PIK3R6: variants seen among roughly 807,000 people sequenced by gnomAD.
PIK3R6 encodes the protein phosphoinositide-3-kinase regulatory subunit 6.
A neutral mutation model predicts 84.9 loss-of-function variants in PIK3R6; 91 were observed. That is an observed-to-expected ratio of 1.07 (90% CI 0.90 to 1.28). The LOEUF (loss-of-function observed/expected upper bound fraction) is 1.28. Ranked by LOEUF, PIK3R6 falls within the 50% of genes most tolerant of loss-of-function variation. PIK3R6 has a pLI of 0.00. For synonymous variants in PIK3R6, 416 were observed against 411.4 expected (o/e 1.01, Z -0.13); for missense variants, 996 against 985.1 (o/e 1.01, Z -0.15).
At chr17:8,833,600 G>A (rs1030234764) in intron 8 of PIK3R6, among the ~76,000 whole-genome samples, 1 of 149,530 alleles carries the variant, frequency 6.7e-6, no homozygotes, top group African/African-American at 2.5e-5. Context: ...GGAGTGCAGT[G>A]GTGTGACTTT....
chr17:8,864,569 C>T (rs941284136), intron 1 of PIK3R6, among the ~76,000 whole-genome samples: 2 of 117,982 alleles, frequency 1.7e-5, no homozygotes, highest in Non-Finnish European at 1.7e-5. Flanking sequence ...GACAGAGTCT[C>T]ACTCTGTCGC....
At chr17:8,814,288 C>T (rs372191584) in intron 18 of PIK3R6, among the ~76,000 whole-genome samples, 2 of 139,626 alleles carry the variant, frequency 1.4e-5, no homozygotes, top group South Asian at 2.3e-4. Context: ...GGCGTGATCT[C>T]GGCTCACTGC....
rs573310802 is a variant in PIK3R6, at chr17:8,829,338, GCA to G, written c.890-350_890-349del. On this transcript the variant is annotated intron_variant, in intron 10 of 19. Coordinates refer to ENST00000619866, the MANE Select transcript of PIK3R6 (RefSeq NM_001010855.4). Reference sequence around the variant, plus strand: ...CGCATGCACGCATACACCCATGCAAGCACACACAGACACACTGACACACACAC... The same window carrying G: ...CGCATGCACGCATACACCCATGCAAGCACACAGACACACTGACACACACAC... Among the ~76,000 whole-genome samples, 398 of 134,500 alleles carry G rather than the reference GCA, an allele frequency of 3.0e-3. 3 individuals carry two copies. Among genetic ancestry groups the G allele is most frequent in the African/African-American group, 0.011 (362 of 34,382 alleles). The allele number at this position is 134,500 out of a possible 152,430, so 88.2% of individuals were successfully genotyped here.
At chr17:8,856,969 C>T (rs2089156719) in intron 1 of PIK3R6, among the ~76,000 whole-genome samples, 1 of 65,238 alleles carries the variant, frequency 1.5e-5, no homozygotes, top group African/African-American at 1.1e-4. Context: ...AACCTTTGCA[C>T]ACCCCTGCCT....
chr17:8,849,254 A>G (rs1349948202), intron 2 of PIK3R6, among the ~76,000 whole-genome samples: 1 of 152,256 alleles, frequency 6.6e-6, no homozygotes, highest in African/African-American at 2.4e-5. Context: ...ATTTTTGCGA[A>G]GCAATCCATA....
At chr17:8,829,603 C>T (rs1367336389) in intron 10 of PIK3R6, 103 bp downstream of exon 10, 2 of 1,201,650 alleles carry the variant, frequency 1.7e-6, no homozygotes, top group Non-Finnish European at 2.4e-6. Flanking sequence ...CTCATGCATA[C>T]ACACACTGAC....
chr17:8,858,087 G>C (rs561972033), intron 1 of PIK3R6, among the ~76,000 whole-genome samples: 5 of 152,268 alleles, frequency 3.3e-5, no homozygotes, highest in East Asian at 1.9e-4. Flanking sequence ...GACCTTTGTG[G>C]TCGATTTCCT....
At position 8,842,486 on chromosome 17, in the gene PIK3R6, T is replaced by C. The variant is rs1459052307; in HGVS notation, c.14-2789A>G. Among the ~76,000 whole-genome samples the C allele has an allele frequency of 6.6e-6, 1 of 152,070 alleles. No homozygotes were observed. Reference sequence around the variant, plus strand: ...AGGGTCTGACAGCTGCTCTCCCAGGTCCCTCTCCATTTCTGTCACACAAGT... The same window carrying C: ...AGGGTCTGACAGCTGCTCTCCCAGGCCCCTCTCCATTTCTGTCACACAAGT... On this transcript the variant is annotated intron_variant, in intron 2 of 19. Transcript: ENST00000619866. This position sits in a 1 kb window ranked among gnomAD's most constrained non-coding sequence, Gnocchi z 4.5.
rs545480809 is a variant in PIK3R6 at position 8,828,684 on chromosome 17, C to T, written c.1196G>A (p.Arg399Gln). 1.5e-5 allele frequency: 24 copies of T among 1,611,874 alleles called. No individual in the cohort carries two copies. In the Admixed American group the frequency reaches 1.5e-4, roughly 10 times the overall value. ...CAGCATTTCCCCATCCCCACTGGGC[C>T]GGCCTGTCCTCCGGTGCAGCCCTGG... ...GPPGLHRRTG[R>Q]PSGDGEMLPG... is the part of the protein sequence containing the mutation. The change falls in exon 11 of 20, where the codon CGG (arginine) becomes CAG (glutamine). Residue 399 changes from arginine to glutamine, a missense_variant. Coordinates refer to ENST00000619866, the MANE Select transcript of PIK3R6 (RefSeq NM_001010855.4).
chr17:8,835,492 T>G (rs1439303650), intron 7 of PIK3R6, 36 bp from the exon 8 acceptor site: 1 of 1,500,018 alleles, frequency 6.7e-7, no homozygotes, highest in East Asian at 2.3e-5. Flanking sequence ...GTGGGATTGA[T>G]AGTAACTAAT....
At chr17:8,857,020 C>T (rs1368332282) in intron 1 of PIK3R6, among the ~76,000 whole-genome samples, 1 of 84,256 alleles carries the variant, frequency 1.2e-5, no homozygotes, top group Non-Finnish European at 2.4e-5. Flanking sequence ...CTGGCTCCCC[C>T]TCGACATTCA....
intron 13 of PIK3R6, 72 bp from the exon 14 acceptor site, chr17:8,823,569 G>T: frequency 9.2e-7 from 1 of 1,081,374 alleles, no homozygotes; most frequent in Non-Finnish European, 1.4e-6. Context: ...TTTCTTCAGA[G>T]AGAAACTTCA....
chr17:8,820,376 C>T (rs962516442), intron 17 of PIK3R6, among the ~76,000 whole-genome samples: 2 of 151,698 alleles, frequency 1.3e-5, no homozygotes, highest in African/African-American at 4.9e-5. Context: ...ATCGTTTACT[C>T]TATGCACACA....
chr17:8,826,898 G>T (rs569606217), intron 13 of PIK3R6, among the ~76,000 whole-genome samples: 2 of 152,152 alleles, frequency 1.3e-5, no homozygotes, highest in Non-Finnish European at 2.9e-5. Flanking sequence ...ATTTTACTTC[G>T]TCTTTTCCAC....
At position 8,837,842 on chromosome 17, in the gene PIK3R6, G is replaced by A. The variant is rs748868735; in HGVS notation, c.219C>T (p.Ile73=). The change falls in exon 5 of 20, where the codon ATC becomes ATT. Residue 73 remains isoleucine (I), a synonymous_variant. Coordinates refer to ENST00000619866, the MANE Select transcript of PIK3R6 (RefSeq NM_001010855.4). ...KAESQDLRHV[I]IPLLHTVMYV... ...ACATTACAGTGTGCAGCAAGGGAATGATGACATGCCGGAGGTCCTGGCTTT... is the reference window on the plus strand; with the variant it reads ...ACATTACAGTGTGCAGCAAGGGAATAATGACATGCCGGAGGTCCTGGCTTT... 1 of 1,613,854 alleles carries A rather than the reference G, an allele frequency of 6.2e-7. No homozygotes were observed. The highest frequency in any genetic ancestry group is 8.5e-7 in the Non-Finnish European group (1 of 1,179,862).
Position 8,802,955 on chromosome 17 carries a change from G to A in PIK3R6, c.*318C>T, listed in dbSNP as rs1013941562. On this transcript the variant is annotated 3_prime_UTR_variant, in exon 20 of 20. Coordinates refer to ENST00000619866, the MANE Select transcript of PIK3R6 (RefSeq NM_001010855.4). ...ACCCTGGTTTTAAGGGCTGGATGGG[G>A]AGCTTGGGTGGGAGAGGACAGTGGG... The A allele has an allele frequency of 2.4e-5, 7 of 294,712 alleles. No individual in the cohort carries two copies. Among genetic ancestry groups the A allele is most frequent in the African/African-American group, 4.5e-5 (2 of 44,012 alleles). The allele number at this position is 294,712 out of a possible 1,614,324, so 18.3% of individuals were successfully genotyped here. A position where few individuals can be genotyped will look rare whatever the true frequency, so the allele number is the denominator to read the frequency against.
chr17:8,822,564 T>C, intron 16 of PIK3R6, 23 bp downstream of exon 16: 1 of 1,613,348 alleles, frequency 6.2e-7, no homozygotes, highest in South Asian at 1.1e-5. Context: ...GGCTACCTAC[T>C]GACCACGTCC....
intron 8 of PIK3R6, 98 bp from the exon 9 acceptor site, chr17:8,833,143 A>G: frequency 7.1e-7 from 1 of 1,415,182 alleles, no homozygotes; most frequent in African/African-American, 1.4e-5. Context: ...CCAAGGTGAC[A>G]CCTCTCCGCT....
intron 9 of PIK3R6, among the ~76,000 whole-genome samples, chr17:8,831,145 CAAA>C (rs35954175): frequency 3.8e-4 from 16 of 42,018 alleles, no homozygotes; most frequent in South Asian, 1.9e-3. Flanking sequence ...GATTGTGTCT[CAAA>C]AAAAAAAAAA....
Sources: gnomAD v4.1 joint callset for allele counts (sites outside exome capture counted in the v4.1 genomes callset) on GRCh38, gnomAD v4.1.1 for gene constraint, Gnocchi (gnomAD v3.1) non-coding constraint, MANE v1.5 for transcripts, NCBI Gene and HGNC (gene_info 2026-07-23, HGNC 2026-07-21) for gene names.